The following UHRF2 variants were observed in gnomAD, a reference collection of about 807,000 sequenced individuals.
UHRF2 encodes the protein E3 ubiquitin-protein ligase UHRF2.
Under a neutral mutation model 96.8 loss-of-function variants are expected in UHRF2, and 23 were observed. The ratio of observed to expected loss-of-function variants is 0.24; its 90% CI spans 0.17 to 0.34. The LOEUF is 0.34. UHRF2 is among the 10% of genes least tolerant of loss of function. UHRF2 has a pLI of 1.00. For synonymous variants in UHRF2, 385 were observed against 332.6 expected, an observed-to-expected ratio of 1.16 and a Z score of -1.72; for missense variants, 685 against 981.5, an observed-to-expected ratio of 0.70 and a Z score of 4.04.
intron 4 of UHRF2, among the ~76,000 whole-genome samples, chr9:6,464,706 T>C (rs1822757458): frequency 6.6e-6 from 1 of 152,228 alleles, no homozygotes; most frequent in Non-Finnish European, 1.5e-5. Context: ...CTCTGTCATA[T>C]CAAGAATCTT....
intron 1 of UHRF2, chr9:6,415,436 A>C (rs1819542443): frequency 6.6e-6 from 1 of 152,214 alleles, no homozygotes; most frequent in African/African-American, 2.4e-5. Flanking sequence ...CTGTGTGTTC[A>C]CTTTCTTATG....
chr9:6,457,469 T>A (rs1822252511), intron 3 of UHRF2, among the ~76,000 whole-genome samples: 1 of 152,304 alleles, frequency 6.6e-6, no homozygotes, highest in East Asian at 1.9e-4. Context: ...CAATTTGACC[T>A]CCTCTTTTCC....
intron 8 of UHRF2, 55 bp downstream of exon 8, chr9:6,482,154 C>A: frequency 7.3e-7 from 1 of 1,375,070 alleles, no homozygotes; most frequent in South Asian, 1.2e-5. Context: ...CAGATTATAG[C>A]AATGTTAATG....
chr9:6,453,223 G>A (rs1410653771), intron 3 of UHRF2, among the ~76,000 whole-genome samples: 1 of 152,106 alleles, frequency 6.6e-6, no homozygotes, highest in Non-Finnish European at 1.5e-5. Context: ...AAACATAACT[G>A]TATATACAAT....
chr9:6,466,741 G>GCTT (rs1446874348), intron 4 of UHRF2, among the ~76,000 whole-genome samples: 6 of 152,146 alleles, frequency 3.9e-5, no homozygotes, highest in African/African-American at 1.4e-4. Context: ...TGGTCACTGT[G>GCTT]CTTCGGCCAT....
At chr9:6,485,526 G>T (rs1453132191) in intron 8 of UHRF2, among the ~76,000 whole-genome samples, 1 of 151,670 alleles carries the variant, frequency 6.6e-6, no homozygotes, top group Non-Finnish European at 1.5e-5. Context: ...TTCTGCTGAG[G>T]TGTTTCAAAA....
intron 7 of UHRF2, 96 bp from the exon 8 acceptor site, chr9:6,481,896 C>T (rs1276699078): frequency 6.5e-7 from 1 of 1,538,176 alleles, no homozygotes; most frequent in Non-Finnish European, 8.8e-7. Context: ...ACTTAAATTA[C>T]ATAAACAGTT....
At chr9:6,474,178 G>A (rs981377473) in intron 4 of UHRF2, among the ~76,000 whole-genome samples, 1 of 152,194 alleles carries the variant, frequency 6.6e-6, no homozygotes, top group Non-Finnish European at 1.5e-5. Flanking sequence ...TGGTCACAAC[G>A]GATGTGCATG....
intron 3 of UHRF2, among the ~76,000 whole-genome samples, chr9:6,445,130 T>TG (rs1821410794): frequency 8.8e-6 from 1 of 114,148 alleles, no homozygotes; most frequent in Admixed American, 9.6e-5. Flanking sequence ...ATCTCTTATT[T>TG]AAAAAAAAAA....
intron 9 of UHRF2, among the ~76,000 whole-genome samples, chr9:6,488,109 G>A (rs1450524928): frequency 2.0e-5 from 3 of 151,542 alleles, no homozygotes; most frequent in Non-Finnish European, 4.4e-5. Context: ...TGGGTGTGGT[G>A]GCATGTGCCT....
intron 4 of UHRF2, among the ~76,000 whole-genome samples, chr9:6,462,329 A>G (rs541083566): frequency 6.6e-6 from 1 of 152,254 alleles, no homozygotes; most frequent in African/African-American, 2.4e-5. Context: ...AGATTTAAAA[A>G]AAAAAAAAAA....
At chr9:6,469,664 G>C (rs1055385961) in intron 4 of UHRF2, among the ~76,000 whole-genome samples, 4 of 109,236 alleles carry the variant, frequency 3.7e-5, no homozygotes, top group Non-Finnish European at 7.0e-5. Context: ...AAAGGTGTGT[G>C]TGTGTGTGTG....
At chr9:6,464,434 G>T (rs1318099255) in intron 4 of UHRF2, among the ~76,000 whole-genome samples, 1 of 152,078 alleles carries the variant, frequency 6.6e-6, no homozygotes, top group Non-Finnish European at 1.5e-5. Context: ...TTTTAATGCA[G>T]TTGAGGTTAT....
At chr9:6,478,439 A>AGTG (rs1177315229) in intron 6 of UHRF2, among the ~76,000 whole-genome samples, 1 of 152,216 alleles carries the variant, frequency 6.6e-6, no homozygotes, top group African/African-American at 2.4e-5. Context: ...ACACTAACAA[A>AGTG]GTGGTTTATA....
At chr9:6,453,587 G>A (rs1015262192) in intron 3 of UHRF2, among the ~76,000 whole-genome samples, 4 of 152,188 alleles carry the variant, frequency 2.6e-5, no homozygotes, top group Non-Finnish European at 5.9e-5. Context: ...CCAAACCGTT[G>A]TGAAACAACA....
chr9:6,495,058 C>T (rs1824881461), intron 10 of UHRF2: 1 of 152,100 alleles, frequency 6.6e-6, no homozygotes, highest in Non-Finnish European at 1.5e-5. Flanking sequence ...GTGTTTTTGT[C>T]AATGAAAATG....
intron 14 of UHRF2, 35 bp downstream of exon 14, chr9:6,500,744 A>G (rs780730696): frequency 1.3e-6 from 2 of 1,544,764 alleles, no homozygotes; most frequent in South Asian, 1.2e-5. Flanking sequence ...TAACATTCTG[A>G]TATTAACAAA....
At chr9:6,487,717 G>A (rs1018614580) in intron 9 of UHRF2, among the ~76,000 whole-genome samples, 3 of 152,186 alleles carry the variant, frequency 2.0e-5, no homozygotes, top group Admixed American at 2.0e-4. Flanking sequence ...GGCCAGGTTG[G>A]TCTCAAACTC....
intron 6 of UHRF2, among the ~76,000 whole-genome samples, chr9:6,479,832 T>G (rs1823817632): frequency 6.6e-6 from 1 of 152,306 alleles, no homozygotes; most frequent in East Asian, 1.9e-4. Context: ...ATTTTGACAG[T>G]TCTTAATATT....
Sources: allele counts gnomAD v4.1 joint callset (sites outside exome capture counted in the v4.1 genomes callset), GRCh38; gene constraint gnomAD v4.1.1; transcripts MANE v1.5; gene names NCBI Gene and HGNC (gene_info 2026-07-23, HGNC 2026-07-21).